Variants in ESRP1 observed in about 807,000 individuals in gnomAD.
The protein encoded by ESRP1 is RNA-binding motif protein 35A.
ESRP1 carries 33 observed loss-of-function variants against 81.7 expected under a neutral mutation model. That is an observed-to-expected ratio of 0.40 (90% CI 0.31 to 0.54). ESRP1 has a LOEUF of 0.54. ESRP1 is among the 20% of genes least tolerant of loss of function. The probability of loss-of-function intolerance (pLI) is 0.41; values close to 1 mark genes in which losing one functional copy is unlikely to be tolerated. For missense variants in ESRP1, 672 were observed against 833.1 expected (o/e 0.81, Z 2.38); for synonymous variants, 320 against 303.3 (o/e 1.06, Z -0.57).
chr8:94,705,922 C>G lies in ESRP1; in HGVS notation c.*36-3C>G. The G allele has an allele frequency of 1.9e-6, 2 of 1,074,134 alleles. No homozygotes were observed. The highest frequency in any genetic ancestry group is 2.4e-6 in the Non-Finnish European group (2 of 830,212). The allele number at this position is 1,074,134 out of a possible 1,614,324, so 66.5% of individuals were successfully genotyped here. ...TATTCACTTTTTTTTTTTTTTTTTT[C>G]AGTGTTTGAAAGATGTATGGTGATC... On this transcript the variant is annotated splice_polypyrimidine_tract_variant and splice_region_variant and intron_variant, in intron 15 of 15. Coordinates refer to ENST00000433389, the MANE Select transcript of ESRP1 (RefSeq NM_017697.4).
chr8:94,662,278 A>G lies in ESRP1; in HGVS notation c.497A>G (p.Asn166Ser). The G allele has an allele frequency of 6.4e-7, 1 of 1,559,524 alleles. No individual in the cohort carries two copies. Among genetic ancestry groups the G allele is most frequent in the Non-Finnish European group, 8.7e-7 (1 of 1,150,056 alleles). The part of the protein sequence containing the change: ...LDVATMTEYL[N>S]FEKSSSVSRY... ...CCTTAATTTAATCTCACAGATTTAA[A>G]TTTTGAGAAGAGTAGTTCAGTCTCT... Residue 166 changes from asparagine (N) to serine (S), a missense_variant, in exon 5 of 16, where the codon AAT becomes AGT. Coordinates refer to ENST00000433389, the MANE Select transcript of ESRP1 (RefSeq NM_017697.4).
rs111538649 is a variant in ESRP1, at chr8:94,684,983, G to A, written c.1820+6612G>A. ...ATTGAAGCTGCAATGAGCTGTGATC[G>A]TGCTCATTGTGGTGTGGGAGACAGC... On this transcript the variant is annotated intron_variant, in intron 13 of 15. Coordinates refer to ENST00000433389, the MANE Select transcript of ESRP1 (RefSeq NM_017697.4). 1.8e-3 allele frequency among the ~76,000 whole-genome samples: 272 copies of A among 151,084 alleles called. 1 individual carries two copies. Among genetic ancestry groups the A allele is most frequent in the African/African-American group, 5.9e-3 (244 of 41,042 alleles).
intron 4 of ESRP1, among the ~76,000 whole-genome samples, chr8:94,652,673 T>C (rs1417386357): frequency 1.3e-5 from 2 of 152,214 alleles, no homozygotes; most frequent in African/African-American, 4.8e-5. Flanking sequence ...GGAACTTACT[T>C]ATTCTCACTA....
chr8:94,652,038 G>C (rs896672423), intron 4 of ESRP1, among the ~76,000 whole-genome samples: 1 of 124,528 alleles, frequency 8.0e-6, no homozygotes, highest in South Asian at 2.6e-4. Context: ...GCCCATGCTG[G>C]AGTGCAGTGC....
At chr8:94,669,763 G>A (rs1415069418) in intron 10 of ESRP1, among the ~76,000 whole-genome samples, 6 of 151,612 alleles carry the variant, frequency 4.0e-5, no homozygotes, top group Admixed American at 2.0e-4. Context: ...CCAGCTACTC[G>A]GGAGGCTGAG....
chr8:94,673,085 C>T (rs1819412872), intron 11 of ESRP1, among the ~76,000 whole-genome samples: 1 of 152,212 alleles, frequency 6.6e-6, no homozygotes, highest in Non-Finnish European at 1.5e-5. Flanking sequence ...TCTGCATCAG[C>T]ACATGCTCAT....
At position 94,668,142 on chromosome 8, in the gene ESRP1, C is replaced by A; in HGVS notation, c.1125C>A (p.Val375=). ...PDGRPTGDAF[V]LFACEEYAQN... ...GTAGGCCAACAGGGGACGCTTTTGTCCTCTTTGCCTGTGAGGAATATGCAC... is the reference window on the plus strand; with the variant it reads ...GTAGGCCAACAGGGGACGCTTTTGTACTCTTTGCCTGTGAGGAATATGCAC... The change falls in exon 10 of 16, where the codon GTC becomes GTA. Residue 375 remains valine, a synonymous_variant. Coordinates refer to ENST00000433389, the MANE Select transcript of ESRP1 (RefSeq NM_017697.4). The A allele has an allele frequency of 1.2e-6, 2 of 1,613,980 alleles. No homozygotes were observed. Among genetic ancestry groups the A allele is most frequent in the Non-Finnish European group, 1.7e-6 (2 of 1,179,882 alleles).
intron 4 of ESRP1, among the ~76,000 whole-genome samples, chr8:94,652,268 G>A (rs761313443): frequency 3.5e-4 from 54 of 152,178 alleles, no homozygotes; most frequent in Admixed American, 7.2e-4. Context: ...GATTACAGGC[G>A]TGAGCCACTG....
At chr8:94,688,966 C>T (rs1157728464) in intron 13 of ESRP1, among the ~76,000 whole-genome samples, 1 of 152,038 alleles carries the variant, frequency 6.6e-6, no homozygotes, top group Non-Finnish European at 1.5e-5. Context: ...AATATTAATT[C>T]TTACCCAGGC....
chr8:94,692,967 T>C, intron 14 of ESRP1, 140 bp downstream of exon 14: 4 of 944,304 alleles, frequency 4.2e-6, no homozygotes, highest in Non-Finnish European at 6.1e-6. Context: ...TGGAAACAAA[T>C]AGATCTGGAG....
At chr8:94,657,136 T>C (rs995154392) in intron 4 of ESRP1, among the ~76,000 whole-genome samples, 3 of 152,242 alleles carry the variant, frequency 2.0e-5, no homozygotes, top group African/African-American at 7.2e-5. Flanking sequence ...AGTTGCAGCC[T>C]GAAATGATGA....
chr8:94,649,809 G>T (rs113830863), intron 4 of ESRP1, among the ~76,000 whole-genome samples: 1 of 151,944 alleles, frequency 6.6e-6, no homozygotes, highest in East Asian at 1.9e-4. Flanking sequence ...CACTGCACCC[G>T]ACCCCAACTT....
At chr8:94,659,494 A>T (rs940603482) in intron 4 of ESRP1, among the ~76,000 whole-genome samples, 1 of 152,160 alleles carries the variant, frequency 6.6e-6, no homozygotes, top group African/African-American at 2.4e-5. Context: ...TCCCTGAAAC[A>T]CAATATTGAA....
chr8:94,671,248 G>T (rs933642800), intron 10 of ESRP1, among the ~76,000 whole-genome samples: 1 of 152,172 alleles, frequency 6.6e-6, no homozygotes. Context: ...TGGAATGCAT[G>T]AATCCCTTTC....
chr8:94,643,225 T>G, intron 2 of ESRP1, 78 bp from the exon 3 acceptor site: 1 of 990,806 alleles, frequency 1.0e-6, no homozygotes, highest in Non-Finnish European at 1.6e-6. Flanking sequence ...TTTCTCTGGC[T>G]ATCACCAAGG....
intron 11 of ESRP1, 71 bp from the exon 12 acceptor site, chr8:94,674,237 T>C: frequency 1.3e-6 from 2 of 1,524,294 alleles, no homozygotes; most frequent in Middle Eastern, 1.7e-4. Flanking sequence ...CTTTGCATGT[T>C]TTGTAAGCAA....
intron 13 of ESRP1, among the ~76,000 whole-genome samples, chr8:94,684,818 G>T (rs1809070108): frequency 6.6e-6 from 1 of 151,974 alleles, no homozygotes; most frequent in African/African-American, 2.4e-5. Context: ...AAATTTAAGA[G>T]GCCAAGGTAG....
At chr8:94,692,285 G>A (rs1285577557) in intron 13 of ESRP1, among the ~76,000 whole-genome samples, 1 of 152,076 alleles carries the variant, frequency 6.6e-6, no homozygotes, top group Non-Finnish European at 1.5e-5. Context: ...TGTGGCTGTG[G>A]TTCCCTTTAG....
At chr8:94,666,370 A>G (rs965848578) in intron 9 of ESRP1, among the ~76,000 whole-genome samples, 2 of 152,228 alleles carry the variant, frequency 1.3e-5, no homozygotes, top group African/African-American at 4.8e-5. Flanking sequence ...AATAAATAAA[A>G]TATCCCTGTT....
Sources: gnomAD v4.1 joint callset for allele counts (sites outside exome capture counted in the v4.1 genomes callset) on GRCh38, gnomAD v4.1.1 for gene constraint, MANE v1.5 for transcripts, NCBI Gene and HGNC (gene_info 2026-07-23, HGNC 2026-07-21) for gene names.